MPDZ: variants seen among roughly 807,000 people sequenced by gnomAD.
The protein encoded by MPDZ is multiple PDZ domain protein.
MPDZ carries 234 observed loss-of-function variants against 239.1 expected under a neutral mutation model. The ratio of observed to expected loss-of-function variants is 0.98; its 90% CI spans 0.88 to 1.09. The LOEUF (loss-of-function observed/expected upper bound fraction) is 1.09, where lower values mean the gene tolerates loss of function less well. Among genes scored for constraint, MPDZ ranks in the 50% least tolerant of loss-of-function variants. The pLI, the probability that MPDZ is intolerant of heterozygous loss-of-function variation, is 0.00. For synonymous variants in MPDZ, 1,048 were observed against 881.3 expected (o/e 1.19, Z -3.35); for missense variants, 3,175 against 2,510.0 (o/e 1.26, Z -5.66).
chr9:13,135,757 G>C (rs927219457), intron 31 of MPDZ: 1 of 167,756 alleles, frequency 6.0e-6, no homozygotes, highest in African/African-American at 2.4e-5. Context: ...CATGCCCTCC[G>C]CTTGCAACAT....
In MPDZ at chr9:13,216,798, G is replaced by C; in HGVS notation, c.1266C>G (p.Ile422Met). 1.2e-6 allele frequency: 2 copies of C among 1,609,288 alleles called. No individual in the cohort carries two copies. Among genetic ancestry groups the C allele is most frequent in the Non-Finnish European group, 1.7e-6 (2 of 1,177,442 alleles). Residue 422 changes from isoleucine to methionine, a missense_variant, in exon 10 of 47, where the codon ATC becomes ATG. Coordinates refer to ENST00000319217, the MANE Select transcript of MPDZ (RefSeq NM_001378778.1). ...KSSAVEHDGR[I>M]QIGDQIIAVD... ...CTGCTATAATTTGGTCTCCAATTTG[G>C]ATTCTTCCATCATGCTCAACGGCAC...
intron 12 of MPDZ, among the ~76,000 whole-genome samples, chr9:13,200,612 G>A (rs1334632820): frequency 2.0e-5 from 3 of 151,784 alleles, no homozygotes; most frequent in Non-Finnish European, 4.4e-5. Flanking sequence ...GGTATGCTGT[G>A]TTCCCATTTT....
intron 31 of MPDZ, 139 bp from the exon 32 acceptor site, chr9:13,134,043 T>C (rs963902430): frequency 1.7e-4 from 54 of 320,154 alleles, no homozygotes; most frequent in African/African-American, 8.7e-4. Context: ...TAATACACTA[T>C]TGCTATTTTA....
chr9:13,242,375 A>G (rs890998432), intron 3 of MPDZ, among the ~76,000 whole-genome samples: 3 of 151,614 alleles, frequency 2.0e-5, no homozygotes, highest in Non-Finnish European at 4.4e-5. Flanking sequence ...ACAGGCATGC[A>G]TGAACACGCT....
At chr9:13,110,763 G>A (rs1251987092) in intron 43 of MPDZ, 23 bp from the exon 44 acceptor site, 2 of 1,582,092 alleles carry the variant, frequency 1.3e-6, no homozygotes, top group Non-Finnish European at 8.7e-7. Flanking sequence ...GAAAGAAACA[G>A]CCATCTGCTA....
At chr9:13,187,646 C>T (rs1394618000) in intron 17 of MPDZ, among the ~76,000 whole-genome samples, 1 of 152,150 alleles carries the variant, frequency 6.6e-6, no homozygotes, top group African/African-American at 2.4e-5. Context: ...GTGCACAAAA[C>T]TTTGGCACTT....
rs755487892 is a variant in MPDZ at position 13,198,737 on chromosome 9, C to CTCTCTCTGTGTGTGTG, written c.1547-2508_1547-2507insCACACACACAGAGAGA. 6.9e-3 allele frequency among the ~76,000 whole-genome samples: 481 copies of CTCTCTCTGTGTGTGTG among 69,668 alleles called. 6 individuals carry two copies. Among genetic ancestry groups the CTCTCTCTGTGTGTGTG allele is most frequent in the Non-Finnish European group, 9.7e-3 (335 of 34,452 alleles). 45.7% of individuals were successfully genotyped at this position (69,668 alleles called of 152,430 possible). On this transcript the variant is annotated intron_variant, in intron 12 of 46. Coordinates refer to ENST00000319217, the MANE Select transcript of MPDZ (RefSeq NM_001378778.1). ...ATATTTAGGTCTTTAATCTCTCTCT[C>CTCTCTCTGTGTGTGTG]TGTGTGTGTGTGTGTGTGTGTGTGT...
chr9:13,171,140 CTAAG>C (rs1563952863), intron 21 of MPDZ, among the ~76,000 whole-genome samples: 1 of 152,084 alleles, frequency 6.6e-6, no homozygotes, highest in Non-Finnish European at 1.5e-5. Flanking sequence ...GTTTAAAGAA[CTAAG>C]TGAGAAACAC....
At chr9:13,159,288 T>C (rs186286437) in intron 23 of MPDZ, among the ~76,000 whole-genome samples, 5 of 152,114 alleles carry the variant, frequency 3.3e-5, no homozygotes, top group African/African-American at 1.2e-4. Context: ...AAAATCTCTT[T>C]GCTATAGGTC....
intron 6 of MPDZ, 82 bp from the exon 7 acceptor site, chr9:13,221,582 AT>A: frequency 7.0e-7 from 1 of 1,424,152 alleles, no homozygotes; most frequent in Non-Finnish European, 9.5e-7. Context: ...TTTTGCGATT[AT>A]TTTGTTAATA....
Position 13,230,187 on chromosome 9 carries a change from C to T in MPDZ, c.184-5604G>A, listed in dbSNP as rs115560494. 5.3e-3 allele frequency among the ~76,000 whole-genome samples: 810 copies of T among 152,230 alleles called. 3 individuals are homozygous for T. The highest frequency in any genetic ancestry group is 0.018 in the African/African-American group (760 of 41,544). On this transcript the variant is annotated intron_variant, in intron 3 of 46. Transcript: ENST00000319217. ...GTGAGGATGTAGAGAAGCTGGATTG[C>T]TCAGACATTGCTGGTGGAAATGTAA...
chr9:13,210,612 T>C (rs780213260), intron 10 of MPDZ, among the ~76,000 whole-genome samples: 2 of 152,024 alleles, frequency 1.3e-5, no homozygotes, highest in Non-Finnish European at 2.9e-5. Flanking sequence ...TCTGTTATGT[T>C]GGGAGCTGCT....
chr9:13,108,206 C>A (rs1166110317), intron 46 of MPDZ, among the ~76,000 whole-genome samples: 3 of 152,126 alleles, frequency 2.0e-5, no homozygotes, highest in South Asian at 2.1e-4. Context: ...TTTTTCCCTG[C>A]AGAAAATCTT....
chr9:13,149,389 C>G (rs549780809), intron 25 of MPDZ, among the ~76,000 whole-genome samples: 2 of 152,116 alleles, frequency 1.3e-5, no homozygotes, highest in African/African-American at 4.8e-5. Context: ...AAATGAGAGT[C>G]ACTTGTATAA....
In MPDZ at chr9:13,247,702, A is replaced by G; in HGVS notation, c.116T>C (p.Val39Ala). Reference sequence around the variant, plus strand: ...CTGACTGAAGAGAGGGCTCTGCAGGACTGACTTCAGAAGGCTCAGTTTGTC... The same window carrying G: ...CTGACTGAAGAGAGGGCTCTGCAGGGCTGACTTCAGAAGGCTCAGTTTGTC... ...NEDKLSLLKS[V>A]LQSPLFSQIL... The change falls in exon 3 of 47, where the codon GTC (valine) becomes GCC (alanine). Residue 39 changes from valine (V) to alanine (A), a missense_variant. Val to Ala is a moderately conservative substitution (Grantham distance 64). Transcript: ENST00000319217. 6.2e-7 allele frequency: 1 copy of G among 1,613,582 alleles called. No individual in the cohort carries two copies. Among genetic ancestry groups the G allele is most frequent in the East Asian group, 2.2e-5 (1 of 44,830 alleles).
intron 12 of MPDZ, 137 bp downstream of exon 12, chr9:13,204,899 G>A: frequency 2.2e-6 from 1 of 463,224 alleles, no homozygotes; most frequent in African/African-American, 2.0e-5. Flanking sequence ...TTATAAACAG[G>A]GATTTACAAA....
intron 28 of MPDZ, among the ~76,000 whole-genome samples, chr9:13,139,585 T>C (rs910553877): frequency 3.3e-5 from 5 of 152,184 alleles, no homozygotes; most frequent in Non-Finnish European, 7.3e-5. Flanking sequence ...GTCACCATTC[T>C]GGTATAGAAA....
At chr9:13,141,115 T>G (rs1045067767) in intron 27 of MPDZ, among the ~76,000 whole-genome samples, 2 of 148,758 alleles carry the variant, frequency 1.3e-5, no homozygotes, top group Non-Finnish European at 3.0e-5. Context: ...AAAAAAAAAG[T>G]ACTTGGCATC....
rs534828717 is a variant in MPDZ, at chr9:13,120,896, A to T, written c.5231+843T>A. The stretch of plus-strand genomic sequence containing the variant: ...TAAACTTAGAGACACTGCAGACTGC[A>T]GGGGCACTTTTTACTGAATGCTGAC... On this transcript the variant is annotated intron_variant, in intron 38 of 46. Coordinates refer to ENST00000319217, the MANE Select transcript of MPDZ (RefSeq NM_001378778.1). Among the ~76,000 whole-genome samples the T allele has an allele frequency of 1.1e-4, 17 of 152,342 alleles. No homozygotes were observed. In the South Asian group the frequency reaches 3.1e-3, roughly 28 times the overall value.
Sources: allele counts gnomAD v4.1 joint callset (sites outside exome capture counted in the v4.1 genomes callset), GRCh38; gene constraint gnomAD v4.1.1; transcripts MANE v1.5; gene names NCBI Gene and HGNC (gene_info 2026-07-23, HGNC 2026-07-21).